STPG2: variants seen among roughly 807,000 people sequenced by gnomAD.
STPG2 encodes the protein sperm tail PG-rich repeat containing 2.
Under a neutral mutation model 54.2 loss-of-function variants are expected in STPG2, and 56 were observed. The ratio of observed to expected loss-of-function variants is 1.03; its 90% CI spans 0.83 to 1.29. STPG2 has a LOEUF of 1.29. Ranked by LOEUF, STPG2 falls within the 50% of genes most tolerant of loss-of-function variation. The probability of loss-of-function intolerance (pLI) is 0.00; values close to 1 mark genes in which losing one functional copy is unlikely to be tolerated. For synonymous variants in STPG2, 200 were observed against 181.8 expected, an observed-to-expected ratio of 1.10 and a Z score of -0.81; for missense variants, 596 against 544.9, an observed-to-expected ratio of 1.09 and a Z score of -0.93.
intron 10 of STPG2, among the ~76,000 whole-genome samples, chr4:97,637,146 G>A (rs1721574770): frequency 6.6e-6 from 1 of 152,126 alleles, no homozygotes; most frequent in African/African-American, 2.4e-5. Flanking sequence ...TATCCACCAT[G>A]ATCGAGTGGG....
chr4:97,507,244 A>T (rs1338156408), intron 4 of STPG2, among the ~76,000 whole-genome samples: 3 of 152,088 alleles, frequency 2.0e-5, no homozygotes, highest in Non-Finnish European at 4.4e-5. Flanking sequence ...ACACAAACCA[A>T]AATATGCCAG....
At chr4:97,834,529 C>A (rs1457083569) in intron 9 of STPG2, among the ~76,000 whole-genome samples, 4 of 151,866 alleles carry the variant, frequency 2.6e-5, no homozygotes, top group African/African-American at 4.8e-5. Flanking sequence ...ATTATTCGTG[C>A]TGCACTTTAT....
At chr4:97,914,188 T>G (rs921792788) in intron 8 of STPG2, among the ~76,000 whole-genome samples, 1 of 152,158 alleles carries the variant, frequency 6.6e-6, no homozygotes, top group African/African-American at 2.4e-5. Flanking sequence ...TGTCTGAAAG[T>G]AAATTATTAC....
chr4:97,686,952 T>A (rs28695960), intron 10 of STPG2, among the ~76,000 whole-genome samples: 42 of 148,078 alleles, frequency 2.8e-4, no homozygotes, highest in South Asian at 1.1e-3. Context: ...TTTTTTTTTT[T>A]GAGAGAGAGA....
At chr4:97,969,693 A>C (rs2149255063) in intron 7 of STPG2, among the ~76,000 whole-genome samples, 1 of 152,308 alleles carries the variant, frequency 6.6e-6, no homozygotes, top group East Asian at 1.9e-4. Context: ...TGACAAACCC[A>C]CAGCCAGTAT....
intron 9 of STPG2, among the ~76,000 whole-genome samples, chr4:97,730,413 C>T (rs1282614246): frequency 6.6e-6 from 1 of 152,122 alleles, no homozygotes. Context: ...CTGATGGATG[C>T]CTAGATTGAT....
At chr4:97,645,488 A>AGAAGAT (rs1469918936) in intron 10 of STPG2, among the ~76,000 whole-genome samples, 1 of 152,162 alleles carries the variant, frequency 6.6e-6, no homozygotes, top group African/African-American at 2.4e-5. Flanking sequence ...CAAATACTGT[A>AGAAGAT]TCCAGAATCT....
At chr4:97,532,107 TA>T (rs1731427703) in intron 4 of STPG2, among the ~76,000 whole-genome samples, 1 of 152,186 alleles carries the variant, frequency 6.6e-6, no homozygotes, top group East Asian at 1.9e-4. Context: ...TGTTTTCTAA[TA>T]ATTTTGTATG....
intron 5 of STPG2, among the ~76,000 whole-genome samples, chr4:98,093,484 G>A (rs116621558): frequency 6.6e-6 from 1 of 152,020 alleles, no homozygotes; most frequent in Non-Finnish European, 1.5e-5. Context: ...ATAGGAGGGG[G>A]ATAAAGATGA....
intron 9 of STPG2, among the ~76,000 whole-genome samples, chr4:97,751,665 A>G (rs2168458): frequency 0.94 from 143,060 of 151,744 alleles, 67,573 homozygotes; most frequent in Middle Eastern, 1. Flanking sequence ...GTGTCAAATA[A>G]ACAAACATAA....
chr4:97,969,397 T>G (rs1461321053), intron 7 of STPG2, among the ~76,000 whole-genome samples: 1 of 152,180 alleles, frequency 6.6e-6, no homozygotes, highest in Non-Finnish European at 1.5e-5. Context: ...CAAATGACCG[T>G]AAATCTCTCA....
At chr4:97,535,165 T>C (rs1271404266) in intron 4 of STPG2, among the ~76,000 whole-genome samples, 2 of 152,222 alleles carry the variant, frequency 1.3e-5, no homozygotes, top group African/African-American at 2.4e-5. Context: ...ATTGCTAGTT[T>C]GTATGGTAAG....
intron 4 of STPG2, among the ~76,000 whole-genome samples, chr4:97,451,818 A>G (rs1729373016): frequency 6.6e-6 from 1 of 152,184 alleles, no homozygotes; most frequent in Non-Finnish European, 1.5e-5. Context: ...TTCCTACTCA[A>G]ATTCCCATAG....
chr4:97,636,130 T>C (rs867911844), intron 10 of STPG2, among the ~76,000 whole-genome samples: 32 of 150,802 alleles, frequency 2.1e-4, no homozygotes, highest in Admixed American at 1.1e-3. Flanking sequence ...ACAGACATTA[T>C]AACAAACTAT....
intron 9 of STPG2, among the ~76,000 whole-genome samples, chr4:97,785,887 T>C (rs1726806902): frequency 6.6e-6 from 1 of 151,724 alleles, no homozygotes; most frequent in Non-Finnish European, 1.5e-5. Context: ...AGTATGAGAA[T>C]CAGCAGGGAG....
intron 5 of STPG2, among the ~76,000 whole-genome samples, chr4:98,001,330 A>G (rs1315333295): frequency 6.6e-6 from 1 of 151,586 alleles, no homozygotes; most frequent in Admixed American, 6.6e-5. Context: ...GTGGTACACT[A>G]TCTAGTAGCA....
At chr4:98,131,424 C>T (rs72686494) in intron 2 of STPG2, among the ~76,000 whole-genome samples, 1,584 of 152,220 alleles carry the variant, frequency 0.01, 15 homozygotes, top group Non-Finnish European at 0.017. Flanking sequence ...TTGATAAACT[C>T]CCTAAGTAAA....
At chr4:97,695,203 T>C (rs984031972) in intron 10 of STPG2, among the ~76,000 whole-genome samples, 33 of 151,744 alleles carry the variant, frequency 2.2e-4, no homozygotes, top group Admixed American at 1.4e-3. Context: ...TGCAAGTCAA[T>C]ATGTGTGATA....
At chr4:97,933,061 T>C (rs546536097) in intron 8 of STPG2, among the ~76,000 whole-genome samples, 5 of 152,368 alleles carry the variant, frequency 3.3e-5, no homozygotes, top group Admixed American at 2.0e-4. Flanking sequence ...ATCACTATTC[T>C]GACTGGCATA....
Sources: gnomAD v4.1 joint callset for allele counts (sites outside exome capture counted in the v4.1 genomes callset) on GRCh38, gnomAD v4.1.1 for gene constraint, MANE v1.5 for transcripts, NCBI Gene and HGNC (gene_info 2026-07-23, HGNC 2026-07-21) for gene names.